Variants in PTPRM observed in about 807,000 individuals in gnomAD.
The protein encoded by PTPRM is receptor-type tyrosine-protein phosphatase mu.
A neutral mutation model predicts 186.7 loss-of-function variants in PTPRM; 47 were observed. The ratio of observed to expected loss-of-function variants is 0.25; its 90% CI spans 0.20 to 0.32. The LOEUF is 0.32. PTPRM is among the 10% of genes least tolerant of loss of function. PTPRM has a pLI of 1.00. For missense variants in PTPRM, 1,494 were observed against 1,865.0 expected, an observed-to-expected ratio of 0.80 and a Z score of 3.66; for synonymous variants, 668 against 674.9, an observed-to-expected ratio of 0.99 and a Z score of 0.16.
intron 7 of PTPRM, among the ~76,000 whole-genome samples, chr18:7,972,491 AAAAG>A (rs1247437922): frequency 1.4e-5 from 2 of 141,028 alleles, no homozygotes; most frequent in African/African-American, 5.5e-5. Flanking sequence ...AAAAAAAAAA[AAAAG>A]GAGAGAAACA....
At chr18:7,833,051 G>T (rs1040818308) in intron 2 of PTPRM, among the ~76,000 whole-genome samples, 2 of 151,996 alleles carry the variant, frequency 1.3e-5, no homozygotes. Context: ...GTCAGGTAAT[G>T]TGCTTCCTCC....
At chr18:7,847,643 T>G (rs530524029) in intron 2 of PTPRM, among the ~76,000 whole-genome samples, 1 of 152,196 alleles carries the variant, frequency 6.6e-6, no homozygotes, top group African/African-American at 2.4e-5. Context: ...TGAGGCAGAG[T>G]TTCTCCTATA....
intron 2 of PTPRM, among the ~76,000 whole-genome samples, chr18:7,826,116 G>T (rs2045471400): frequency 6.6e-6 from 1 of 152,202 alleles, no homozygotes. Context: ...GAACCTCTCT[G>T]TGTCACTGAG....
chr18:8,173,108 G>A (rs929568629), intron 14 of PTPRM, among the ~76,000 whole-genome samples: 1 of 152,126 alleles, frequency 6.6e-6, no homozygotes, highest in South Asian at 2.1e-4. Flanking sequence ...CCCTAAGCTA[G>A]GTGCCGAGTA....
At chr18:7,783,736 T>C (rs1346725461) in intron 2 of PTPRM, among the ~76,000 whole-genome samples, 1 of 139,404 alleles carries the variant, frequency 7.2e-6, no homozygotes, top group Non-Finnish European at 1.5e-5. Context: ...CATGCCTGGC[T>C]AATTTTTAAT....
chr18:8,089,355 C>A (rs1390311717), intron 11 of PTPRM, among the ~76,000 whole-genome samples: 2 of 152,098 alleles, frequency 1.3e-5, no homozygotes, highest in East Asian at 3.8e-4. Flanking sequence ...AAGTCTTTAT[C>A]TGAACAGATT....
intron 1 of PTPRM, among the ~76,000 whole-genome samples, chr18:7,689,808 T>A (rs1452850795): frequency 3.3e-5 from 5 of 152,330 alleles, no homozygotes; most frequent in Admixed American, 2.6e-4. Context: ...TTTAATTTTT[T>A]AAAAATAATA....
intron 1 of PTPRM, among the ~76,000 whole-genome samples, chr18:7,615,922 G>A (rs534529386): frequency 7.9e-5 from 12 of 152,192 alleles, no homozygotes; most frequent in African/African-American, 1.9e-4. Context: ...CATTAGGAGC[G>A]TGCAACCTAG....
At chr18:7,740,847 G>A (rs979987698) in intron 1 of PTPRM, among the ~76,000 whole-genome samples, 4 of 152,186 alleles carry the variant, frequency 2.6e-5, no homozygotes, top group East Asian at 1.9e-4. Flanking sequence ...TAAGCTATAC[G>A]GTATGGGTTA....
chr18:7,907,431 C>T (rs2050045842), intron 4 of PTPRM, among the ~76,000 whole-genome samples: 1 of 152,210 alleles, frequency 6.6e-6, no homozygotes, highest in South Asian at 2.1e-4. Flanking sequence ...TGAGGCTACG[C>T]AAGCAGCCAC....
chr18:8,097,967 C>A (rs944046805), intron 11 of PTPRM, among the ~76,000 whole-genome samples: 4 of 152,178 alleles, frequency 2.6e-5, no homozygotes, highest in African/African-American at 4.8e-5. Flanking sequence ...CTTTTCATTG[C>A]ACCTTTTCTA....
intron 2 of PTPRM, among the ~76,000 whole-genome samples, chr18:7,855,431 T>A (rs1336702282): frequency 6.6e-6 from 1 of 152,190 alleles, no homozygotes; most frequent in Non-Finnish European, 1.5e-5. Flanking sequence ...TGCTTTTGGC[T>A]CCTTCTCTTT....
At chr18:7,972,604 T>G (rs1408333603) in intron 7 of PTPRM, among the ~76,000 whole-genome samples, 1 of 151,316 alleles carries the variant, frequency 6.6e-6, no homozygotes, top group African/African-American at 2.4e-5. Flanking sequence ...TTCTGCTAAA[T>G]ATTATGTATT....
At chr18:7,854,533 G>T (rs2047004616) in intron 2 of PTPRM, among the ~76,000 whole-genome samples, 1 of 152,062 alleles carries the variant, frequency 6.6e-6, no homozygotes, top group African/African-American at 2.4e-5. Flanking sequence ...ATACTGGCAG[G>T]TACTTGAAAA....
chr18:8,038,660 G>A (rs2086497947), intron 7 of PTPRM, among the ~76,000 whole-genome samples: 1 of 152,184 alleles, frequency 6.6e-6, no homozygotes, highest in African/African-American at 2.4e-5. Context: ...TCAAAGTGCT[G>A]GGATTACAGG....
intron 13 of PTPRM, among the ~76,000 whole-genome samples, chr18:8,117,566 A>T (rs2145762742): frequency 6.6e-6 from 1 of 152,302 alleles, no homozygotes; most frequent in South Asian, 2.1e-4. Context: ...GACACTCATC[A>T]TCTTAAATAT....
intron 4 of PTPRM, among the ~76,000 whole-genome samples, chr18:7,924,211 GC>G (rs2051037421): frequency 6.6e-6 from 1 of 152,276 alleles, no homozygotes; most frequent in East Asian, 1.9e-4. Context: ...TTTCTGAGTG[GC>G]CCACACAGTG....
chr18:8,252,515 C>T lies in PTPRM; in HGVS notation c.2566+16C>T, dbSNP rs757866476. 8 of 1,544,998 alleles carry T rather than the reference C, an allele frequency of 5.2e-6. No individual in the cohort carries two copies. The East Asian group carries it at 6.7e-5, about 13-fold the overall frequency. ...CCAATAAATGGTAAGTTCCCCGATT[C>T]GCCCCATGGAAGAGTTGTGGAGGGA... On this transcript the variant is annotated intron_variant, in intron 18 of 32. Transcript: ENST00000580170.
intron 20 of PTPRM, among the ~76,000 whole-genome samples, chr18:8,308,295 C>G (rs1052042121): frequency 3.9e-5 from 6 of 152,150 alleles, no homozygotes; most frequent in African/African-American, 1.4e-4. Context: ...AGGCATCTGC[C>G]TTATTTGAGC....
Sources: gnomAD v4.1 joint callset for allele counts (sites outside exome capture counted in the v4.1 genomes callset) on GRCh38, gnomAD v4.1.1 for gene constraint, MANE v1.5 for transcripts, NCBI Gene and HGNC (gene_info 2026-07-23, HGNC 2026-07-21) for gene names.